EYS: variants seen among roughly 807,000 people sequenced by gnomAD.
The protein encoded by EYS is protein eyes shut homolog.
Under a neutral mutation model 282.1 loss-of-function variants are expected in EYS, and 250 were observed. The observed-to-expected ratio is 0.89, with a 90% CI of 0.80 to 0.98. The LOEUF is 0.98. Among genes scored for constraint, EYS ranks in the 50% least tolerant of loss-of-function variants. The probability of loss-of-function intolerance (pLI) is 0.00; values close to 1 mark genes in which losing one functional copy is unlikely to be tolerated. For synonymous variants in EYS, 1,355 were observed against 1,282.9 expected (o/e 1.06, Z -1.20); for missense variants, 4,016 against 3,709.0 (o/e 1.08, Z -2.15).
rs148507202 is a variant in EYS at position 64,619,869 on chromosome 6, A to G, written c.3569-2336T>C. On this transcript the variant is annotated intron_variant, in intron 23 of 42. Coordinates refer to ENST00000503581, the MANE Select transcript of EYS (RefSeq NM_001142800.2). ...GGAAACAGCCTGAGAGAAGATTTAC[A>G]TCTCAAAGAGACAGAGAAATAATTT... Among the ~76,000 whole-genome samples the G allele has an allele frequency of 4.6e-3, 700 of 152,216 alleles. 4 individuals carry two copies. Among genetic ancestry groups the G allele is most frequent in the African/African-American group, 0.016 (644 of 41,526 alleles).
intron 12 of EYS, among the ~76,000 whole-genome samples, chr6:65,211,981 T>A (rs1230492956): frequency 6.6e-6 from 1 of 151,794 alleles, no homozygotes. Context: ...GACAAATAAG[T>A]ACAAAATTGA....
intron 12 of EYS, among the ~76,000 whole-genome samples, chr6:65,255,230 A>G (rs1386215091): frequency 6.6e-6 from 1 of 152,030 alleles, no homozygotes; most frequent in Non-Finnish European, 1.5e-5. Flanking sequence ...CCATACATCT[A>G]TAATAAACTC....
At chr6:63,734,161 A>G (rs1283276369) in intron 41 of EYS, among the ~76,000 whole-genome samples, 4 of 152,158 alleles carry the variant, frequency 2.6e-5, no homozygotes, top group Non-Finnish European at 5.9e-5. Context: ...GAAAAACTAT[A>G]TTGAGTACTA....
intron 22 of EYS, among the ~76,000 whole-genome samples, chr6:64,678,455 G>A (rs983417872): frequency 6.6e-6 from 1 of 151,988 alleles, no homozygotes; most frequent in African/African-American, 2.4e-5. Context: ...GCACGTTCCT[G>A]TATTCCCAGC....
At chr6:64,940,372 G>A (rs1346328782) in intron 15 of EYS, among the ~76,000 whole-genome samples, 1 of 151,886 alleles carries the variant, frequency 6.6e-6, no homozygotes, top group African/African-American at 2.4e-5. Flanking sequence ...GAAATTATAG[G>A]AAGAGCTAAA....
intron 22 of EYS, among the ~76,000 whole-genome samples, chr6:64,646,647 C>CA (rs1260939130): frequency 6.6e-5 from 10 of 151,780 alleles, no homozygotes; most frequent in East Asian, 1.9e-4. Flanking sequence ...ACTAAAAATA[C>CA]AAAAAAACAT....
At chr6:64,974,414 A>G (rs1770405169) in intron 14 of EYS, among the ~76,000 whole-genome samples, 1 of 151,752 alleles carries the variant, frequency 6.6e-6, no homozygotes, top group African/African-American at 2.4e-5. Flanking sequence ...AAAATGATGG[A>G]TTCTTGAGTT....
At chr6:65,618,052 C>A (rs1380366834) in intron 2 of EYS, among the ~76,000 whole-genome samples, 6 of 152,118 alleles carry the variant, frequency 3.9e-5, no homozygotes, top group Admixed American at 1.3e-4. Context: ...ATTTATAGTC[C>A]TTTGGGTATA....
intron 36 of EYS, among the ~76,000 whole-genome samples, chr6:63,834,644 C>T (rs147054968): frequency 0.013 from 1,989 of 149,284 alleles, 56 homozygotes; most frequent in Middle Eastern, 0.027. Context: ...GACACTGTGG[C>T]GATTCCTCAA....
intron 7 of EYS, among the ~76,000 whole-genome samples, chr6:65,386,896 C>T (rs1161983052): frequency 6.6e-6 from 1 of 151,338 alleles, no homozygotes; most frequent in African/African-American, 2.4e-5. Context: ...AGGGTAACCT[C>T]AGGATTGTGA....
intron 30 of EYS, among the ~76,000 whole-genome samples, chr6:64,279,785 T>G (rs914068638): frequency 1.3e-5 from 2 of 152,196 alleles, no homozygotes; most frequent in Non-Finnish European, 2.9e-5. Context: ...TTTGTCTCTT[T>G]TCTTTCTTCT....
intron 31 of EYS, among the ~76,000 whole-genome samples, chr6:64,122,330 T>G (rs1487386889): frequency 9.9e-5 from 15 of 152,166 alleles, no homozygotes; most frequent in Admixed American, 9.8e-4. Context: ...AATACTGCCT[T>G]TTTATTGCTT....
intron 13 of EYS, among the ~76,000 whole-genome samples, chr6:65,018,889 T>C (rs1188827104): frequency 6.6e-6 from 1 of 152,196 alleles, no homozygotes; most frequent in African/African-American, 2.4e-5. Context: ...ATTGTGCTTT[T>C]TGCAATCTTA....
At chr6:65,263,128 C>T (rs1767661285) in intron 12 of EYS, among the ~76,000 whole-genome samples, 1 of 151,972 alleles carries the variant, frequency 6.6e-6, no homozygotes, top group African/African-American at 2.4e-5. Context: ...ATCACATGAA[C>T]CCAGGAGTTC....
intron 34 of EYS, 77 bp downstream of exon 34, chr6:63,998,998 C>G (rs1273068073): frequency 1.8e-5 from 16 of 869,982 alleles, no homozygotes; most frequent in Non-Finnish European, 3.0e-5. Flanking sequence ...ATGATTACTG[C>G]TTAGTAACAT....
rs550025269 is a variant in EYS at position 64,455,616 on chromosome 6, C to T, written c.5645-16264G>A. On this transcript the variant is annotated intron_variant, in intron 26 of 42. Transcript: ENST00000503581. ...ACTCCCTCCCCATGTCCCCAATCCT[C>T]CCGACAAGACCTGGTGTGTGATATT... 3.3e-5 allele frequency among the ~76,000 whole-genome samples: 5 copies of T among 152,072 alleles called. No individual in the cohort carries two copies. The South Asian group carries it at 1.0e-3, about 32-fold the overall frequency.
At chr6:64,600,625 G>T (rs1232357294) in intron 24 of EYS, among the ~76,000 whole-genome samples, 5 of 151,972 alleles carry the variant, frequency 3.3e-5, no homozygotes, top group Admixed American at 6.6e-5. Flanking sequence ...CATTCCTTTT[G>T]TTATGCCAAA....
intron 2 of EYS, among the ~76,000 whole-genome samples, chr6:65,512,954 G>C (rs999830833): frequency 1.3e-5 from 2 of 152,062 alleles, no homozygotes; most frequent in African/African-American, 4.8e-5. Context: ...CAGAACTGAA[G>C]GAAACAGAGA....
chr6:65,341,157 A>G (rs1029867079), intron 10 of EYS, among the ~76,000 whole-genome samples: 5 of 151,132 alleles, frequency 3.3e-5, no homozygotes, highest in Admixed American at 2.0e-4. Context: ...TGTTCTAAAT[A>G]AGCGATGAGT....
Sources: allele counts gnomAD v4.1 joint callset (sites outside exome capture counted in the v4.1 genomes callset), GRCh38; gene constraint gnomAD v4.1.1; transcripts MANE v1.5; gene names NCBI Gene and HGNC (gene_info 2026-07-23, HGNC 2026-07-21).